ZNF804B: variants seen among roughly 807,000 people sequenced by gnomAD.
The protein encoded by ZNF804B is zinc finger 804B.
Under a neutral mutation model 101.4 loss-of-function variants are expected in ZNF804B, and 80 were observed. That is an observed-to-expected ratio of 0.79 (90% CI 0.66 to 0.95). The LOEUF (loss-of-function observed/expected upper bound fraction) is 0.95. Ranked by LOEUF, ZNF804B falls within the 40% of genes least tolerant of loss-of-function variation. ZNF804B has a pLI of 0.00. For missense variants in ZNF804B, 1,673 were observed against 1,561.9 expected, an observed-to-expected ratio of 1.07 and a Z score of -1.20; for synonymous variants, 622 against 558.8, an observed-to-expected ratio of 1.11 and a Z score of -1.59.
At chr7:89,253,118 T>C (rs1208032312) in intron 2 of ZNF804B, among the ~76,000 whole-genome samples, 5 of 152,182 alleles carry the variant, frequency 3.3e-5, no homozygotes, top group Non-Finnish European at 7.4e-5. Flanking sequence ...TCAAAACTTC[T>C]GGGATATAGC....
intron 1 of ZNF804B, among the ~76,000 whole-genome samples, chr7:88,824,399 A>G (rs140287557): frequency 2.0e-5 from 3 of 152,192 alleles, no homozygotes; most frequent in East Asian, 3.9e-4. Flanking sequence ...GAAGAAGGAC[A>G]TGCTTCCTGT....
chr7:89,048,093 C>T (rs1789140590), intron 1 of ZNF804B, among the ~76,000 whole-genome samples: 1 of 151,962 alleles, frequency 6.6e-6, no homozygotes, highest in South Asian at 2.1e-4. Context: ...TATCCCTTAC[C>T]CCTTCCCATC....
At chr7:88,770,852 G>A (rs1790050764) in intron 1 of ZNF804B, among the ~76,000 whole-genome samples, 3 of 151,996 alleles carry the variant, frequency 2.0e-5, no homozygotes, top group African/African-American at 7.3e-5. Flanking sequence ...GACATAAAAG[G>A]GACTGAAACA....
At chr7:89,220,076 TATATACATATATATAC>T (rs1788975086) in intron 2 of ZNF804B, among the ~76,000 whole-genome samples, 13 of 96,534 alleles carry the variant, frequency 1.3e-4, no homozygotes, top group African/African-American at 5.0e-4. Context: ...CATATATGTG[TATATACATATATATAC>T]GCACATATAT....
At chr7:89,052,564 AT>A (rs1789223499) in intron 1 of ZNF804B, among the ~76,000 whole-genome samples, 1 of 152,098 alleles carries the variant, frequency 6.6e-6, no homozygotes, top group Non-Finnish European at 1.5e-5. Flanking sequence ...TTATTATTTT[AT>A]TTATTTGAGG....
intron 1 of ZNF804B, among the ~76,000 whole-genome samples, chr7:89,059,513 A>T (rs530544401): frequency 6.6e-6 from 1 of 152,216 alleles, no homozygotes; most frequent in Non-Finnish European, 1.5e-5. Flanking sequence ...GAACTCACTC[A>T]TCACCAAGGG....
intron 1 of ZNF804B, among the ~76,000 whole-genome samples, chr7:88,901,395 A>G (rs909947610): frequency 1.3e-5 from 2 of 151,932 alleles, no homozygotes; most frequent in Admixed American, 1.3e-4. Flanking sequence ...TTTCCATAAA[A>G]TTCACCACAT....
chr7:89,246,785 G>A (rs1301943565), intron 2 of ZNF804B, among the ~76,000 whole-genome samples: 1 of 152,014 alleles, frequency 6.6e-6, no homozygotes, highest in Non-Finnish European at 1.5e-5. Context: ...TGGTGCAATA[G>A]GACCCTCTCT....
At chr7:88,855,902 A>T (rs540510462) in intron 1 of ZNF804B, among the ~76,000 whole-genome samples, 7 of 152,292 alleles carry the variant, frequency 4.6e-5, no homozygotes, top group Admixed American at 4.6e-4. Flanking sequence ...TTTGTCAAAG[A>T]TCAGATAGTT....
intron 1 of ZNF804B, among the ~76,000 whole-genome samples, chr7:89,005,139 CA>C (rs939657384): frequency 1.3e-5 from 2 of 151,974 alleles, no homozygotes; most frequent in African/African-American, 4.8e-5. Context: ...AAACTCATCA[CA>C]AAACTGTTCC....
At chr7:89,296,436 T>C (rs911621167) in intron 2 of ZNF804B, among the ~76,000 whole-genome samples, 13 of 152,042 alleles carry the variant, frequency 8.6e-5, no homozygotes, top group Non-Finnish European at 1.6e-4. Context: ...ATTTAAGTTA[T>C]GTCTTGTTAG....
chr7:88,772,849 G>A (rs1790088849), intron 1 of ZNF804B, among the ~76,000 whole-genome samples: 1 of 151,936 alleles, frequency 6.6e-6, no homozygotes, highest in South Asian at 2.1e-4. Context: ...GGAAATTCTA[G>A]GAGCCAGGCA....
intron 1 of ZNF804B, among the ~76,000 whole-genome samples, chr7:88,965,367 T>G (rs1049194783): frequency 2.0e-5 from 3 of 151,412 alleles, no homozygotes; most frequent in Non-Finnish European, 4.4e-5. Flanking sequence ...TATTTTAAAA[T>G]AGCCCTGCAT....
At chr7:89,133,800 A>T (rs986665159) in intron 1 of ZNF804B, among the ~76,000 whole-genome samples, 3 of 152,116 alleles carry the variant, frequency 2.0e-5, no homozygotes, top group African/African-American at 7.2e-5. Context: ...CTGTTTATAT[A>T]TAGAAAAGAT....
intron 1 of ZNF804B, among the ~76,000 whole-genome samples, chr7:89,169,542 C>T (rs1015473118): frequency 7.2e-5 from 11 of 152,096 alleles, no homozygotes; most frequent in African/African-American, 2.4e-4. Context: ...TCTTAGTCGG[C>T]CTAGGAAATC....
intron 1 of ZNF804B, among the ~76,000 whole-genome samples, chr7:88,857,493 A>C (rs1329347280): frequency 2.6e-5 from 4 of 151,928 alleles, no homozygotes; most frequent in Admixed American, 6.6e-5. Context: ...AACTCTACAC[A>C]AAAAAACTAG....
chr7:89,253,861 C>A (rs911049313), intron 2 of ZNF804B, among the ~76,000 whole-genome samples: 1 of 151,958 alleles, frequency 6.6e-6, no homozygotes, highest in African/African-American at 2.4e-5. Context: ...AGAATGCAAA[C>A]CCCGTTTATA....
At chr7:89,017,220 C>G (rs575134710) in intron 1 of ZNF804B, among the ~76,000 whole-genome samples, 4 of 152,144 alleles carry the variant, frequency 2.6e-5, no homozygotes, top group African/African-American at 7.2e-5. Flanking sequence ...TGCTTATCAG[C>G]GTAAGGAGAT....
chr7:88,931,031 G>T (rs1792876949), intron 1 of ZNF804B, among the ~76,000 whole-genome samples: 1 of 151,774 alleles, frequency 6.6e-6, no homozygotes, highest in South Asian at 2.1e-4. Context: ...TAATTCAGTA[G>T]TTTCTGCACA....
Sources: gnomAD v4.1 joint callset for allele counts (sites outside exome capture counted in the v4.1 genomes callset) on GRCh38, gnomAD v4.1.1 for gene constraint, MANE v1.5 for transcripts, NCBI Gene and HGNC (gene_info 2026-07-23, HGNC 2026-07-21) for gene names.